Variants in MIPOL1 observed in about 807,000 individuals in gnomAD.
The protein encoded by MIPOL1 is mirror-image polydactyly 1.
A neutral mutation model predicts 60.9 loss-of-function variants in MIPOL1; 57 were observed. The ratio of observed to expected loss-of-function variants is 0.94; its 90% CI spans 0.76 to 1.17. The LOEUF is 1.17. Ranked by LOEUF, MIPOL1 falls within the 50% of genes most tolerant of loss-of-function variation. The pLI is 0.00. For synonymous variants in MIPOL1, 179 were observed against 168.8 expected (o/e 1.06, Z -0.47); for missense variants, 551 against 511.6 (o/e 1.08, Z -0.74).
chr14:37,517,098 A>G (rs2095375373), intron 12 of MIPOL1, among the ~76,000 whole-genome samples: 1 of 152,132 alleles, frequency 6.6e-6, no homozygotes. Flanking sequence ...CTCAACTGTC[A>G]GTAACTAGGT....
intron 10 of MIPOL1, among the ~76,000 whole-genome samples, chr14:37,389,834 T>G (rs1209282639): frequency 1.3e-5 from 2 of 151,800 alleles, no homozygotes. Context: ...TATGGATATC[T>G]GTGACTGCAC....
intron 10 of MIPOL1, among the ~76,000 whole-genome samples, chr14:37,381,745 G>A (rs2092930544): frequency 6.9e-6 from 1 of 145,360 alleles, no homozygotes; most frequent in African/African-American, 2.5e-5. Context: ...TCTGTGCCCT[G>A]CTAATTTTTT....
intron 9 of MIPOL1, among the ~76,000 whole-genome samples, chr14:37,332,169 T>C (rs2153455017): frequency 1.3e-5 from 2 of 152,194 alleles, no homozygotes; most frequent in Middle Eastern, 6.8e-3. Flanking sequence ...TTTTTTCCTA[T>C]TCTATATGAT....
At chr14:37,267,776 A>G (rs559733910) in intron 4 of MIPOL1, among the ~76,000 whole-genome samples, 1 of 152,348 alleles carries the variant, frequency 6.6e-6, no homozygotes, top group Admixed American at 6.5e-5. Flanking sequence ...TGTTAAATTG[A>G]TATACATGAC....
At chr14:37,299,227 C>T (rs2086116811) in intron 7 of MIPOL1, among the ~76,000 whole-genome samples, 1 of 149,286 alleles carries the variant, frequency 6.7e-6, no homozygotes, top group African/African-American at 2.5e-5. Context: ...TGTTCTCACT[C>T]ATAGGTGAGA....
At chr14:37,326,339 G>A (rs1234204863) in intron 9 of MIPOL1, among the ~76,000 whole-genome samples, 1 of 152,204 alleles carries the variant, frequency 6.6e-6, no homozygotes, top group African/African-American at 2.4e-5. Context: ...TGTGAAGTGA[G>A]TTCTTGAATC....
rs545025725 is a variant in MIPOL1, at chr14:37,365,739, C to A, written c.829-3778C>A. ...GGCCTTGTAGAATGTGTTTGGAAGTCTTCCCTCTTCTTCTGTTTTCCAGAA... is the reference window on the plus strand; with the variant it reads ...GGCCTTGTAGAATGTGTTTGGAAGTATTCCCTCTTCTTCTGTTTTCCAGAA... On this transcript the variant is annotated intron_variant, in intron 9 of 12. Coordinates refer to ENST00000684589, the MANE Select transcript of MIPOL1 (RefSeq NM_001388067.1). Among the ~76,000 whole-genome samples the A allele has an allele frequency of 4.6e-5, 7 of 152,112 alleles. No individual in the cohort carries two copies. In the East Asian group the frequency reaches 1.2e-3, roughly 25 times the overall value.
chr14:37,497,029 A>T (rs898525464), intron 11 of MIPOL1, among the ~76,000 whole-genome samples: 1 of 151,864 alleles, frequency 6.6e-6, no homozygotes, highest in African/African-American at 2.4e-5. Flanking sequence ...ACCTGAGAAA[A>T]ACAGGCAATG....
At chr14:37,200,600 T>G (rs534843812) in intron 1 of MIPOL1, among the ~76,000 whole-genome samples, 17 of 152,242 alleles carry the variant, frequency 1.1e-4, no homozygotes, top group African/African-American at 3.6e-4. Flanking sequence ...TGAGTTGGGT[T>G]TTGGTTTGTT....
chr14:37,363,616 C>G (rs1235319833), intron 9 of MIPOL1, among the ~76,000 whole-genome samples: 1 of 152,178 alleles, frequency 6.6e-6, no homozygotes, highest in Non-Finnish European at 1.5e-5. Flanking sequence ...GCAGTCTGTC[C>G]ATTCTCAAAG....
At chr14:37,337,446 G>T (rs1271476860) in intron 9 of MIPOL1, among the ~76,000 whole-genome samples, 1 of 125,652 alleles carries the variant, frequency 8.0e-6, no homozygotes, top group African/African-American at 3.1e-5. Context: ...TTGGCTCACT[G>T]CAACCTCCGC....
Position 37,480,541 on chromosome 14 carries a change from T to G in MIPOL1, c.1032-19367T>G, listed in dbSNP as rs1216051313. Among the ~76,000 whole-genome samples, 3 of 150,344 alleles carry G rather than the reference T, an allele frequency of 2.0e-5. No homozygotes were observed. The East Asian group carries it at 5.9e-4, about 29-fold the overall frequency. ...AAAAAAAAACTCTCACCAAACTCGG[T>G]ATAGAAAGAATGTACCTCAATAAAA... is the stretch of plus-strand genomic sequence containing the variant. On this transcript the variant is annotated intron_variant, in intron 11 of 12. Transcript: ENST00000684589.
chr14:37,335,494 G>C (rs2090040060), intron 9 of MIPOL1, among the ~76,000 whole-genome samples: 1 of 151,926 alleles, frequency 6.6e-6, no homozygotes, highest in Non-Finnish European at 1.5e-5. Flanking sequence ...ACCTTATATA[G>C]GTGGAATCAT....
rs2095554777 is a variant in MIPOL1 at position 37,548,879 on chromosome 14, C to A, written c.*1908C>A. ...AAAACCAATTCCTATAATTAATATG[C>A]AGAACTTTTATAGAATATGATATTA... is the stretch of plus-strand genomic sequence containing the variant. On this transcript the variant is annotated 3_prime_UTR_variant, in exon 13 of 13. Transcript: ENST00000684589. 2 of 151,874 alleles carry A rather than the reference C, an allele frequency of 1.3e-5. No homozygotes were observed. The highest frequency in any genetic ancestry group is 4.1e-4 in the South Asian group (2 of 4,830). The allele number at this position is 151,874 out of a possible 1,614,324, so 9.4% of individuals were successfully genotyped here.
intron 7 of MIPOL1, among the ~76,000 whole-genome samples, chr14:37,306,504 A>C (rs73256043): frequency 0.084 from 12,725 of 151,908 alleles, 1,791 homozygotes; most frequent in African/African-American, 0.29. Flanking sequence ...AAGCATTTTA[A>C]TTGGATTTTA....
In MIPOL1 at chr14:37,248,561, T is replaced by G. The variant is rs183682863; in HGVS notation, c.19+654T>G. ...ACATACAGACAAGAGACACATATAG[T>G]GAAAGAGACAAGATATGGCTCTTTC... is the stretch of plus-strand genomic sequence containing the variant. On this transcript the variant is annotated intron_variant, in intron 3 of 12. Coordinates refer to ENST00000684589, the MANE Select transcript of MIPOL1 (RefSeq NM_001388067.1). Among the ~76,000 whole-genome samples the G allele has an allele frequency of 1.4e-4, 22 of 151,748 alleles. No individual in the cohort carries two copies. The East Asian group carries it at 4.3e-3, about 30-fold the overall frequency.
chr14:37,455,772 A>G (rs1260951446), intron 11 of MIPOL1, among the ~76,000 whole-genome samples: 3 of 152,158 alleles, frequency 2.0e-5, no homozygotes, highest in African/African-American at 7.2e-5. Context: ...CTCTAGGGCA[A>G]CTAATGTGTT....
chr14:37,232,804 G>A (rs920054834), intron 1 of MIPOL1, among the ~76,000 whole-genome samples: 3 of 152,234 alleles, frequency 2.0e-5, no homozygotes, highest in Middle Eastern at 3.4e-3. Flanking sequence ...TGGAGATCAA[G>A]CAAATTTGAT....
At chr14:37,453,675 C>T (rs137952576) in intron 11 of MIPOL1, among the ~76,000 whole-genome samples, 194 of 152,154 alleles carry the variant, frequency 1.3e-3, no homozygotes, top group African/African-American at 4.3e-3. Context: ...TAATTCGTGT[C>T]ATTTTAATAT....
Sources: gnomAD v4.1 joint callset for allele counts (sites outside exome capture counted in the v4.1 genomes callset) on GRCh38, gnomAD v4.1.1 for gene constraint, MANE v1.5 for transcripts, NCBI Gene and HGNC (gene_info 2026-07-23, HGNC 2026-07-21) for gene names.